MYL12B: variants seen among roughly 807,000 people sequenced by gnomAD.
The protein encoded by MYL12B is myosin regulatory light chain 12B.
Under a neutral mutation model 12.9 loss-of-function variants are expected in MYL12B, and 3 were observed. The observed-to-expected ratio is 0.23, with a 90% confidence interval of 0.11 to 0.60. MYL12B has a LOEUF of 0.60. Among genes scored for constraint, MYL12B ranks in the 20% least tolerant of loss-of-function variants. The pLI, the probability that MYL12B is intolerant of heterozygous loss-of-function variation, is 0.89. For missense variants in MYL12B, 120 were observed against 215.4 expected (o/e 0.56, Z 2.77); for synonymous variants, 57 against 71.9 (o/e 0.79, Z 1.05).
At position 3,269,965 on chromosome 18, in the gene MYL12B, T is replaced by C. The variant is rs550446451; in HGVS notation, c.-15-2919T>C. On this transcript the variant is annotated intron_variant, in intron 1 of 3. Coordinates refer to ENST00000237500, the MANE Select transcript of MYL12B (RefSeq NM_033546.4). ...CTGGGAAAGTTCATTTCTACTGTTA[T>C]GGAGCACCAGGCTAACAGTGGCTGT... 4.6e-5 allele frequency among the ~76,000 whole-genome samples: 7 copies of C among 152,330 alleles called. No individual in the cohort carries two copies. In the East Asian group the frequency reaches 7.7e-4, roughly 17 times the overall value.
Position 3,277,264 on chromosome 18 carries a change from A to G in MYL12B, c.196A>G (p.Thr66Ala). The change falls in exon 3 of 4, where the codon ACT (threonine) becomes GCT (alanine). Residue 66 changes from threonine to alanine, a missense_variant. Physicochemically the swap from Thr to Ala is moderately conservative, Grantham distance 58. Transcript: ENST00000237500. ...DMLASLGKNPTDAYLDAMMNE... is the reference protein window; with the variant it reads ...DMLASLGKNPADAYLDAMMNE... ...GTGTATTCTTACAGGGAAGAATCCC[A>G]CTGATGCATACCTTGATGCCATGAT... is the stretch of plus-strand genomic sequence containing the variant. The G allele has an allele frequency of 6.3e-7, 1 of 1,597,038 alleles. No homozygotes were observed. The highest frequency in any genetic ancestry group is 8.5e-7 in the Non-Finnish European group (1 of 1,172,834).
At chr18:3,267,340 TG>T (rs1255609893) in intron 1 of MYL12B, among the ~76,000 whole-genome samples, 1 of 152,226 alleles carries the variant, frequency 6.6e-6, no homozygotes, top group Admixed American at 6.5e-5. Flanking sequence ...GCTGACAGAA[TG>T]TGCTCTGTGA....
At chr18:3,266,331 C>T (rs890455500) in intron 1 of MYL12B, among the ~76,000 whole-genome samples, 3 of 151,802 alleles carry the variant, frequency 2.0e-5, no homozygotes, top group African/African-American at 7.3e-5. Context: ...TGACCTGGCT[C>T]CCGCCGATTG....
intron 2 of MYL12B, among the ~76,000 whole-genome samples, chr18:3,273,978 A>G (rs2081706390): frequency 6.6e-6 from 1 of 152,148 alleles, no homozygotes; most frequent in South Asian, 2.1e-4. Flanking sequence ...TTCCTATCCA[A>G]CATATGATTT....
At chr18:3,263,519 G>T (rs2081611828) in intron 1 of MYL12B, among the ~76,000 whole-genome samples, 1 of 152,190 alleles carries the variant, frequency 6.6e-6, no homozygotes, top group African/African-American at 2.4e-5. Flanking sequence ...CTGACTCGAT[G>T]TTCGTTTATG....
chr18:3,277,481 G>T (rs2081742968), intron 3 of MYL12B, 67 bp downstream of exon 3: 3 of 1,539,928 alleles, frequency 1.9e-6, no homozygotes, highest in Non-Finnish European at 8.7e-7. Context: ...GAAATAGAAG[G>T]GGTTTTCTTT....
intron 2 of MYL12B, 69 bp from the exon 3 acceptor site, chr18:3,277,184 A>G (rs913356421): frequency 4.3e-6 from 6 of 1,402,128 alleles, no homozygotes; most frequent in Non-Finnish European, 4.8e-6. Context: ...TGGGGAGCAT[A>G]ATAATAGTGA....
At chr18:3,274,303 T>C (rs1598809631) in intron 2 of MYL12B, among the ~76,000 whole-genome samples, 1 of 152,350 alleles carries the variant, frequency 6.6e-6, no homozygotes, top group East Asian at 1.9e-4. Flanking sequence ...GCTCAATAGA[T>C]ATTTGTTGAA....
intron 1 of MYL12B, chr18:3,272,110 T>G (rs886442423): frequency 4.1e-6 from 4 of 985,272 alleles, no homozygotes; most frequent in Non-Finnish European, 4.8e-6. Flanking sequence ...AAAAGGGAAA[T>G]GCAGGGATAG....
In MYL12B at chr18:3,265,875, A is replaced by C. The variant is rs1014294049; in HGVS notation, c.-16+3638A>C. ...ACTCGTGCAGTAAAGAGAAGAACCT[A>C]CAGAACTTGGATGGAAACTGAGTAG... is the stretch of plus-strand genomic sequence containing the variant. On this transcript the variant is annotated intron_variant, in intron 1 of 3. Coordinates refer to ENST00000237500, the MANE Select transcript of MYL12B (RefSeq NM_033546.4). Among the ~76,000 whole-genome samples the C allele has an allele frequency of 3.5e-4, 53 of 152,262 alleles. 1 individual carries two copies. The highest frequency in any genetic ancestry group is 1.9e-4 in the Non-Finnish European group (13 of 68,024).
chr18:3,267,008 A>C (rs962812411), intron 1 of MYL12B, among the ~76,000 whole-genome samples: 1 of 152,200 alleles, frequency 6.6e-6, no homozygotes, highest in African/African-American at 2.4e-5. Flanking sequence ...AACATTGAAA[A>C]ACTAAGGGGA....
At chr18:3,267,748 C>T (rs992248685) in intron 1 of MYL12B, among the ~76,000 whole-genome samples, 3 of 151,902 alleles carry the variant, frequency 2.0e-5, no homozygotes, top group Admixed American at 6.6e-5. Context: ...TAAACTTTAT[C>T]GTAGGTATGT....
chr18:3,278,240 A>G lies in MYL12B; in HGVS notation c.*303A>G. ...ATTTTTACATTTTTATATAATAAAA[A>G]TGTTATTTTGAAATAAAGATTATGC... On this transcript the variant is annotated 3_prime_UTR_variant, in exon 4 of 4. Coordinates refer to ENST00000237500, the MANE Select transcript of MYL12B (RefSeq NM_033546.4). 4.5e-6 allele frequency: 1 copy of G among 219,982 alleles called. No individual in the cohort carries two copies. The highest frequency in any genetic ancestry group is 8.9e-6 in the Non-Finnish European group (1 of 112,190). The allele number at this position is 219,982 out of a possible 1,614,324, so 13.6% of individuals were successfully genotyped here.
intron 1 of MYL12B, 50 bp from the exon 2 acceptor site, chr18:3,272,834 G>A: frequency 1.4e-6 from 2 of 1,465,996 alleles, no homozygotes; most frequent in Non-Finnish European, 1.8e-6. Context: ...TTTTTGCTTT[G>A]TTTTATACAT....
intron 1 of MYL12B, among the ~76,000 whole-genome samples, chr18:3,269,148 G>A (rs1006814033): frequency 6.6e-6 from 1 of 152,136 alleles, no homozygotes; most frequent in Non-Finnish European, 1.5e-5. Context: ...TTCTAGAGTA[G>A]GGAAAGGAAG....
At chr18:3,275,741 C>T (rs942906415) in intron 2 of MYL12B, among the ~76,000 whole-genome samples, 1 of 151,828 alleles carries the variant, frequency 6.6e-6, no homozygotes, top group Non-Finnish European at 1.5e-5. Context: ...TGTACCCTAG[C>T]GTTCTCTTCA....
chr18:3,270,292 ATAC>A (rs2081666956), intron 1 of MYL12B, among the ~76,000 whole-genome samples: 1 of 152,226 alleles, frequency 6.6e-6, no homozygotes, highest in African/African-American at 2.4e-5. Flanking sequence ...CCATATACGT[ATAC>A]AAATGTACCA....
intron 1 of MYL12B, among the ~76,000 whole-genome samples, chr18:3,264,915 TA>T (rs2081624830): frequency 6.6e-6 from 1 of 152,196 alleles, no homozygotes; most frequent in Non-Finnish European, 1.5e-5. Flanking sequence ...ATACACATTA[TA>T]AAAACTTATT....
chr18:3,273,409 A>G (rs1336346351), intron 2 of MYL12B, among the ~76,000 whole-genome samples: 1 of 152,198 alleles, frequency 6.6e-6, no homozygotes. Context: ...TATACTTAAT[A>G]AAGGTTGAGT....
Sources: gnomAD v4.1 joint callset for allele counts (sites outside exome capture counted in the v4.1 genomes callset) on GRCh38, gnomAD v4.1.1 for gene constraint, MANE v1.5 for transcripts, NCBI Gene and HGNC (gene_info 2026-07-23, HGNC 2026-07-21) for gene names.